MAGI3: variants seen among roughly 807,000 people sequenced by gnomAD.
The protein encoded by MAGI3 is membrane-associated guanylate kinase, WW and PDZ domain-containing protein 3.
A neutral mutation model predicts 121.8 loss-of-function variants in MAGI3; 43 were observed. The ratio of observed to expected loss-of-function variants is 0.35; its 90% CI spans 0.28 to 0.46. MAGI3 has a LOEUF of 0.46. MAGI3 is among the 20% of genes least tolerant of loss of function. The probability of loss-of-function intolerance (pLI) is 1.00; values close to 1 mark genes in which losing one functional copy is unlikely to be tolerated. For missense variants in MAGI3, 1,547 were observed against 1,797.3 expected, an observed-to-expected ratio of 0.86 and a Z score of 2.52; for synonymous variants, 553 against 639.3, an observed-to-expected ratio of 0.86 and a Z score of 2.04.
At chr1:113,417,726 T>C (rs1219431133) in intron 1 of MAGI3, among the ~76,000 whole-genome samples, 1 of 152,160 alleles carries the variant, frequency 6.6e-6, no homozygotes, top group African/African-American at 2.4e-5. Context: ...TTTATCACAC[T>C]ATTATAACTG....
intron 1 of MAGI3, among the ~76,000 whole-genome samples, chr1:113,436,497 C>T (rs551354517): frequency 2.0e-5 from 3 of 151,864 alleles, no homozygotes; most frequent in Non-Finnish European, 2.9e-5. Context: ...TAAATGAATC[C>T]GTAGATCAGC....
chr1:113,673,518 CG>C (rs752314863), intron 19 of MAGI3, 53 bp downstream of exon 19: 46 of 1,544,048 alleles, frequency 3.0e-5, no homozygotes, highest in Non-Finnish European at 4.0e-5. Context: ...CTAGAAACTT[CG>C]AAAGATATTA....
chr1:113,660,046 A>G (rs1482610171), intron 16 of MAGI3, among the ~76,000 whole-genome samples: 6 of 152,092 alleles, frequency 3.9e-5, no homozygotes, highest in African/African-American at 1.4e-4. Flanking sequence ...ATGACCCTCT[A>G]ATCTAGTTGG....
chr1:113,483,122 A>T (rs756802070), intron 1 of MAGI3, among the ~76,000 whole-genome samples: 10 of 152,170 alleles, frequency 6.6e-5, no homozygotes, highest in Non-Finnish European at 1.2e-4. Context: ...TCCTTTTCTT[A>T]CCTTTTAAAA....
rs35390645 is a variant in MAGI3 at position 113,472,734 on chromosome 1, TTGTG to T, written c.317-76759_317-76756del. Among the ~76,000 whole-genome samples the T allele has an allele frequency of 8.5e-3, 1,189 of 139,076 alleles. 20 individuals carry two copies. The highest frequency in any genetic ancestry group is 0.063 in the Middle Eastern group (17 of 268). 91.2% of individuals were successfully genotyped at this position (139,076 alleles called of 152,430 possible). On this transcript the variant is annotated intron_variant, in intron 1 of 20. Coordinates refer to ENST00000307546, the MANE Select transcript of MAGI3 (RefSeq NM_001142782.2). ...TACTGATATTGTGTATCTACTACAGTTGTGTGTGTGTGTGTGTGTGTGTGTATTT... is the reference window on the plus strand; with the variant it reads ...TACTGATATTGTGTATCTACTACAGTTGTGTGTGTGTGTGTGTGTGTATTT...
Position 113,585,376 on chromosome 1 carries a change from A to G in MAGI3, c.554-11A>G. 6.2e-7 allele frequency: 1 copy of G among 1,612,418 alleles called. No homozygotes were observed. Among genetic ancestry groups the G allele is most frequent in the Admixed American group, 1.7e-5 (1 of 59,892 alleles). On this transcript the variant is annotated splice_polypyrimidine_tract_variant and intron_variant, in intron 3 of 20. Coordinates refer to ENST00000307546, the MANE Select transcript of MAGI3 (RefSeq NM_001142782.2). ...CATTAGTAATTTCAGCTGCTATTTT[A>G]TTCACTTCAGGAAACTTCTATGGAA...
intron 1 of MAGI3, among the ~76,000 whole-genome samples, chr1:113,505,922 G>A (rs1182996268): frequency 6.6e-6 from 1 of 152,186 alleles, no homozygotes; most frequent in Admixed American, 6.5e-5. Flanking sequence ...CTTGTAAGGA[G>A]ACAGGATTTT....
intron 14 of MAGI3, among the ~76,000 whole-genome samples, chr1:113,652,317 C>T (rs1002102483): frequency 6.6e-6 from 1 of 152,160 alleles, no homozygotes; most frequent in African/African-American, 2.4e-5. Flanking sequence ...GTAAGCTCGG[C>T]ACCTAAAAGA....
chr1:113,678,882 T>C (rs1257337267), intron 19 of MAGI3, among the ~76,000 whole-genome samples: 1 of 152,234 alleles, frequency 6.6e-6, no homozygotes, highest in Non-Finnish European at 1.5e-5. Flanking sequence ...TATTGAGTCC[T>C]TCTGTTTTGT....
chr1:113,423,333 C>G (rs1202875700), intron 1 of MAGI3, among the ~76,000 whole-genome samples: 1 of 151,418 alleles, frequency 6.6e-6, no homozygotes, highest in Non-Finnish European at 1.5e-5. Context: ...GTGCAGTGGC[C>G]TGATCTCAGC....
At chr1:113,423,295 G>A (rs1375884664) in intron 1 of MAGI3, among the ~76,000 whole-genome samples, 2 of 147,774 alleles carry the variant, frequency 1.4e-5, no homozygotes, top group African/African-American at 2.5e-5. Context: ...TTTTTGAGAC[G>A]TAGTCTCGCA....
At chr1:113,583,596 C>G (rs1419231) in intron 3 of MAGI3, among the ~76,000 whole-genome samples, 15,793 of 152,032 alleles carry the variant, frequency 0.1, 1,045 homozygotes, top group East Asian at 0.19. Flanking sequence ...TTCCTTGATA[C>G]TGTGATTAAT....
intron 3 of MAGI3, 96 bp from the exon 4 acceptor site, chr1:113,585,291 C>A: frequency 8.5e-7 from 1 of 1,173,670 alleles, no homozygotes; most frequent in Non-Finnish European, 1.2e-6. Flanking sequence ...TTCAAAACTT[C>A]TTTGTGAAAA....
At chr1:113,475,164 A>C (rs968054222) in intron 1 of MAGI3, among the ~76,000 whole-genome samples, 9 of 152,202 alleles carry the variant, frequency 5.9e-5, no homozygotes, top group Non-Finnish European at 1.3e-4. Flanking sequence ...TTCTAAATAT[A>C]TAATCATGTC....
At chr1:113,559,136 C>T (rs1291084295) in intron 2 of MAGI3, among the ~76,000 whole-genome samples, 2 of 152,140 alleles carry the variant, frequency 1.3e-5, no homozygotes, top group African/African-American at 2.4e-5. Flanking sequence ...ATGAAGCAGC[C>T]ACCATAAACA....
At chr1:113,598,556 T>TAAAGCAAC (rs1208637465) in intron 6 of MAGI3, among the ~76,000 whole-genome samples, 2 of 151,752 alleles carry the variant, frequency 1.3e-5, no homozygotes, top group Non-Finnish European at 2.9e-5. Flanking sequence ...AAACAGATTT[T>TAAAGCAAC]AAAGCAACAA....
chr1:113,426,916 G>A (rs931216920), intron 1 of MAGI3, among the ~76,000 whole-genome samples: 6 of 151,482 alleles, frequency 4.0e-5, no homozygotes, highest in Non-Finnish European at 7.4e-5. Flanking sequence ...GCTTAACTCT[G>A]CCCTTTTATT....
chr1:113,578,394 T>C (rs369889888), intron 2 of MAGI3, among the ~76,000 whole-genome samples: 1 of 152,170 alleles, frequency 6.6e-6, no homozygotes, highest in South Asian at 2.1e-4. Context: ...TTACAAATTA[T>C]AATTTTAATC....
At chr1:113,638,101 C>G (rs1399220716) in intron 9 of MAGI3, among the ~76,000 whole-genome samples, 1 of 152,198 alleles carries the variant, frequency 6.6e-6, no homozygotes, top group Non-Finnish European at 1.5e-5. Context: ...AAGCACTTCT[C>G]TGTATTGGTT....
Sources: gnomAD v4.1 joint callset for allele counts (sites outside exome capture counted in the v4.1 genomes callset) on GRCh38, gnomAD v4.1.1 for gene constraint, MANE v1.5 for transcripts, NCBI Gene and HGNC (gene_info 2026-07-23, HGNC 2026-07-21) for gene names.